WDR35: variants seen among roughly 807,000 people sequenced by gnomAD.
WDR35 encodes WD repeat domain 35, also known as WD repeat-containing protein 35.
Under a neutral mutation model 158.3 loss-of-function variants are expected in WDR35, and 118 were observed. The observed-to-expected ratio is 0.75, with a 90% CI of 0.64 to 0.87. The LOEUF is 0.87. WDR35 is among the 40% of genes least tolerant of loss of function. The pLI, the probability that WDR35 is intolerant of heterozygous loss-of-function variation, is 0.00. For missense variants in WDR35, 1,263 were observed against 1,405.8 expected (o/e 0.90, Z 1.62); for synonymous variants, 448 against 476.1 (o/e 0.94, Z 0.77).
intron 25 of WDR35, among the ~76,000 whole-genome samples, chr2:19,923,283 G>C (rs543674776): frequency 6.6e-5 from 10 of 152,244 alleles, no homozygotes; most frequent in African/African-American, 2.2e-4. Context: ...GTGGGGGCTT[G>C]AATCCAGATC....
At position 19,953,818 on chromosome 2, in the gene WDR35, G is replaced by C; in HGVS notation, c.1400+16C>G. 1 of 1,613,918 alleles carries C rather than the reference G, an allele frequency of 6.2e-7. No homozygotes were observed. Among genetic ancestry groups the C allele is most frequent in the Non-Finnish European group, 8.5e-7 (1 of 1,179,956 alleles). On this transcript the variant is annotated intron_variant, in intron 12 of 26. Transcript: ENST00000281405. ...ATATGGTTGAGCTACTAAAAAGTAT[G>C]TATCAAAAGATATACCTTTCTCTCC...
intron 25 of WDR35, among the ~76,000 whole-genome samples, chr2:19,926,027 G>A (rs1229063534): frequency 6.6e-6 from 1 of 152,164 alleles, no homozygotes; most frequent in Non-Finnish European, 1.5e-5. Context: ...TAAACAATTA[G>A]AAAATGGGCA....
chr2:19,923,676 T>C (rs1288862303), intron 25 of WDR35, among the ~76,000 whole-genome samples: 1 of 152,130 alleles, frequency 6.6e-6, no homozygotes, highest in Non-Finnish European at 1.5e-5. Context: ...GAACAGCACC[T>C]TGAGTGACTG....
chr2:19,984,363 G>A (rs1432991820), intron 2 of WDR35, among the ~76,000 whole-genome samples: 2 of 152,194 alleles, frequency 1.3e-5, no homozygotes, highest in Non-Finnish European at 2.9e-5. Context: ...AGTAAAGCCA[G>A]CGATAATATC....
intron 25 of WDR35, among the ~76,000 whole-genome samples, chr2:19,927,900 A>G (rs1001349967): frequency 3.9e-5 from 6 of 152,216 alleles, no homozygotes; most frequent in Admixed American, 2.6e-4. Context: ...TTGTCTTTCT[A>G]TAGTCTGCAG....
intron 1 of WDR35, 103 bp from the exon 2 acceptor site, chr2:19,989,385 G>T (rs897949017): frequency 3.8e-6 from 4 of 1,065,332 alleles, no homozygotes; most frequent in African/African-American, 1.5e-5. Context: ...GAAGAAAAAC[G>T]AACGGCCTTG....
At chr2:19,942,490 T>C (rs1380949670) in intron 16 of WDR35, among the ~76,000 whole-genome samples, 3 of 152,014 alleles carry the variant, frequency 2.0e-5, no homozygotes, top group Non-Finnish European at 4.4e-5. Flanking sequence ...AAGAATAGGA[T>C]ATGCATATTA....
intron 25 of WDR35, among the ~76,000 whole-genome samples, chr2:19,919,133 C>A (rs1324283655): frequency 2.6e-5 from 4 of 152,172 alleles, no homozygotes; most frequent in African/African-American, 9.7e-5. Context: ...GTAATTCCAG[C>A]ACTTTCGGAG....
chr2:19,953,015 GGAGGATAAT>G (rs1018407458), intron 12 of WDR35, among the ~76,000 whole-genome samples: 26 of 151,916 alleles, frequency 1.7e-4, no homozygotes, highest in African/African-American at 6.3e-4. Flanking sequence ...AGGATGTGAG[GGAGGATAAT>G]GATTTGAAAA....
intron 25 of WDR35, among the ~76,000 whole-genome samples, chr2:19,922,800 A>T (rs1355651537): frequency 1.3e-5 from 2 of 152,238 alleles, no homozygotes; most frequent in Non-Finnish European, 2.9e-5. Context: ...AAAACTGGCC[A>T]TAAACAAAAT....
chr2:19,936,165 G>A, intron 20 of WDR35, 54 bp downstream of exon 20: 2 of 1,611,674 alleles, frequency 1.2e-6, no homozygotes, highest in Non-Finnish European at 1.7e-6. Flanking sequence ...GAAGTACTCA[G>A]GCAGCTACTA....
At chr2:19,968,365 C>T (rs1194282575) in intron 9 of WDR35, among the ~76,000 whole-genome samples, 7 of 152,184 alleles carry the variant, frequency 4.6e-5, no homozygotes, top group Admixed American at 4.6e-4. Flanking sequence ...GCCTATGTTC[C>T]ACCTCCTGGA....
In WDR35 at chr2:19,930,491, G is replaced by C. The variant is rs201153804; in HGVS notation, c.3026C>G (p.Thr1009Arg). 518 of 1,614,032 alleles carry C rather than the reference G, an allele frequency of 3.2e-4. No individual in the cohort carries two copies. The highest frequency in any genetic ancestry group is 4.2e-4 in the Non-Finnish European group (490 of 1,180,028). ...CTCTGCCCCTCTCCATGCATTATCT[G>C]TGAAACGATCTGTTGTAGACAGAAC... ...EEVLSTTDRF[T>R]DNAWRGAEAY... The change falls in exon 25 of 27, where the codon ACA (threonine) becomes AGA (arginine). Residue 1009 changes from threonine (T) to arginine (R), a missense_variant. Transcript: ENST00000281405.
chr2:19,937,036 AAC>A (rs1312568565), intron 19 of WDR35, among the ~76,000 whole-genome samples: 8 of 152,260 alleles, frequency 5.3e-5, no homozygotes, highest in Non-Finnish European at 8.8e-5. Context: ...TTCAAAACAA[AAC>A]ACAGTGTTAA....
chr2:19,913,513 T>C lies in WDR35; in HGVS notation c.*45A>G. 1.2e-6 allele frequency: 2 copies of C among 1,610,270 alleles called. No homozygotes were observed. The highest frequency in any genetic ancestry group is 4.5e-5 in the East Asian group (2 of 44,828). ...TACATATACAGCATATAGCCATGTA[T>C]ATATGCTACATATATTTTACAGTTA... On this transcript the variant is annotated 3_prime_UTR_variant, in exon 27 of 27. Transcript: ENST00000281405.
intron 25 of WDR35, among the ~76,000 whole-genome samples, chr2:19,927,470 C>G (rs759677926): frequency 5.9e-5 from 9 of 152,162 alleles, no homozygotes; most frequent in Non-Finnish European, 1.3e-4. Context: ...CCATGCCATA[C>G]TTATGTTCAG....
chr2:19,920,452 C>CCA (rs1670135496), intron 25 of WDR35, among the ~76,000 whole-genome samples: 1 of 152,102 alleles, frequency 6.6e-6, no homozygotes, highest in African/African-American at 2.4e-5. Flanking sequence ...ATATAATCCA[C>CCA]CACATAAACA....
rs924718127 is a variant in WDR35, at chr2:19,913,365, G to A, written c.*193C>T. 26 of 522,020 alleles carry A rather than the reference G, an allele frequency of 5.0e-5. No homozygotes were observed. The East Asian group carries it at 6.2e-4, about 12-fold the overall frequency. The allele number at this position is 522,020 out of a possible 1,614,324, so 32.3% of individuals were successfully genotyped here. A position where few individuals can be genotyped will look rare whatever the true frequency, so the allele number is the denominator to read the frequency against. On this transcript the variant is annotated 3_prime_UTR_variant, in exon 27 of 27. Coordinates refer to ENST00000281405, the MANE Select transcript of WDR35 (RefSeq NM_020779.4). ...ATTTTCATACATTTATATGAAAATC[G>A]GCCTTATTATTTCACAGTTGTATTG...
chr2:19,963,520 T>C (rs1671736833), intron 10 of WDR35, among the ~76,000 whole-genome samples: 1 of 152,270 alleles, frequency 6.6e-6, no homozygotes, highest in East Asian at 1.9e-4. Context: ...CCTTCTGACC[T>C]CTCATCTGAC....
Sources: allele counts gnomAD v4.1 joint callset (sites outside exome capture counted in the v4.1 genomes callset), GRCh38; gene constraint gnomAD v4.1.1; transcripts MANE v1.5; gene names NCBI Gene and HGNC (gene_info 2026-07-23, HGNC 2026-07-21).